The following DHX57 variants were observed in gnomAD, a reference collection of about 807,000 sequenced individuals.
DHX57 encodes the protein putative ATP-dependent RNA helicase DHX57.
Under a neutral mutation model 156.2 loss-of-function variants are expected in DHX57, and 105 were observed. That is an observed-to-expected ratio of 0.67 (90% CI 0.57 to 0.79). The LOEUF (loss-of-function observed/expected upper bound fraction) is 0.79. Among genes scored for constraint, DHX57 ranks in the 30% least tolerant of loss-of-function variants. The pLI is 0.00. For missense variants in DHX57, 1,847 were observed against 1,661.9 expected, an observed-to-expected ratio of 1.11 and a Z score of -1.94; for synonymous variants, 704 against 595.6, an observed-to-expected ratio of 1.18 and a Z score of -2.65.
chr2:38,836,775 CAAAAAAA>C (rs964200602), intron 13 of DHX57, among the ~76,000 whole-genome samples: 2 of 42,466 alleles, frequency 4.7e-5, no homozygotes, highest in East Asian at 6.3e-4. Context: ...GACCCTGTCT[CAAAAAAA>C]AAAAAAAAAA....
intron 2 of DHX57, among the ~76,000 whole-genome samples, chr2:38,864,880 G>A (rs12712625): frequency 0.56 from 85,386 of 152,018 alleles, 25,685 homozygotes; most frequent in East Asian, 0.81. Flanking sequence ...CTCTTGTCAA[G>A]GTTAACCATG....
rs55993145 is a variant in DHX57 at position 38,827,133 on chromosome 2, A to AAAAATAAAATAAAAT, written c.2640-459_2640-445dup. ...GCGACAATAGTGAGACTCCGTCTCG[A>AAAAATAAAATAAAAT]AAAATAAAATAAAATAAAATAAAAT... On this transcript the variant is annotated intron_variant, in intron 14 of 23. Coordinates refer to ENST00000457308, the MANE Select transcript of DHX57 (RefSeq NM_198963.3). Among the ~76,000 whole-genome samples, 19 of 147,434 alleles carry AAAAATAAAATAAAAT rather than the reference A, an allele frequency of 1.3e-4. 1 individual carries two copies. Among genetic ancestry groups the AAAAATAAAATAAAAT allele is most frequent in the African/African-American group, 4.0e-4 (16 of 40,236 alleles).
chr2:38,859,087 T>C (rs1673054292), intron 5 of DHX57, among the ~76,000 whole-genome samples: 2 of 152,214 alleles, frequency 1.3e-5, no homozygotes, highest in Non-Finnish European at 2.9e-5. Context: ...GTTTCAACTG[T>C]ACGCAAGTGT....
intron 2 of DHX57, among the ~76,000 whole-genome samples, chr2:38,864,892 T>C (rs891868248): frequency 9.2e-5 from 14 of 152,218 alleles, no homozygotes; most frequent in Non-Finnish European, 1.8e-4. Context: ...TTAACCATGA[T>C]ACCCACATTG....
chr2:38,826,105 C>A, intron 15 of DHX57, 58 bp from the exon 16 acceptor site: 1 of 1,533,104 alleles, frequency 6.5e-7, no homozygotes. Context: ...GCCAAGACTG[C>A]TTGCTATGGA....
chr2:38,810,841 C>T, intron 21 of DHX57: 1 of 741,432 alleles, frequency 1.3e-6, no homozygotes, highest in African/African-American at 1.7e-5. Context: ...GCAGATACCT[C>T]AGGACTTCAT....
At chr2:38,799,452 A>AG (rs1416147505) in intron 23 of DHX57, among the ~76,000 whole-genome samples, 2 of 149,916 alleles carry the variant, frequency 1.3e-5, no homozygotes, top group Non-Finnish European at 3.0e-5. Context: ...AAAAAAAAAA[A>AG]AAAAAGGGTG....
intron 6 of DHX57, among the ~76,000 whole-genome samples, 162 bp downstream of exon 6, chr2:38,858,499 G>T (rs150525135): frequency 7.2e-5 from 11 of 152,308 alleles, no homozygotes; most frequent in African/African-American, 2.6e-4. Flanking sequence ...AAACCATCTA[G>T]CATATGCACT....
rs762952317 is a variant in DHX57 at position 38,861,519 on chromosome 2, T to C, written c.891A>G (p.Val297=). Residue 297 remains valine, a synonymous_variant, in exon 5 of 24, where the codon GTA becomes GTG. Transcript: ENST00000457308. ...TACAGATTTCAAGTGAATTCTCTTGTACATTTTTGGTACTTTCTTTTGGCT... is the reference window on the plus strand; with the variant it reads ...TACAGATTTCAAGTGAATTCTCTTGCACATTTTTGGTACTTTCTTTTGGCT... ...KSKPKESTKN[V]QENSLEICKF... is the part of the protein sequence containing the mutation. 1 of 1,614,160 alleles carries C rather than the reference T, an allele frequency of 6.2e-7. No homozygotes were observed. Among genetic ancestry groups the C allele is most frequent in the South Asian group, 1.1e-5 (1 of 91,086 alleles).
At chr2:38,816,204 T>A (rs1386778550) in intron 19 of DHX57, 1 of 470,890 alleles carries the variant, frequency 2.1e-6, no homozygotes, top group South Asian at 1.5e-5. Context: ...AGGGACATCA[T>A]TAAGTGATTC....
rs181355621 is a variant in DHX57, at chr2:38,809,457, T to G, written c.3682-2764A>C. 9.9e-3 allele frequency among the ~76,000 whole-genome samples: 940 copies of G among 94,764 alleles called. 14 individuals carry two copies. The highest frequency in any genetic ancestry group is 0.027 in the African/African-American group (899 of 33,328). The allele number at this position is 94,764 out of a possible 152,430, so 62.2% of individuals were successfully genotyped here. On this transcript the variant is annotated intron_variant, in intron 21 of 23. Coordinates refer to ENST00000457308, the MANE Select transcript of DHX57 (RefSeq NM_198963.3). ...AGTAAAAAGAGGCTATTTCTTTCTG[T>G]TTTTTTTTTTTCTTTTTTTTTTTAG...
intron 19 of DHX57, chr2:38,815,948 T>G: frequency 2.4e-6 from 1 of 421,660 alleles, no homozygotes; most frequent in Non-Finnish European, 4.5e-6. Context: ...CATTGGATTT[T>G]GGGTAGGCCT....
At chr2:38,854,200 T>C (rs765066295) in intron 8 of DHX57, 22 bp from the exon 9 acceptor site, 2 of 1,604,928 alleles carry the variant, frequency 1.2e-6, no homozygotes, top group South Asian at 1.1e-5. Flanking sequence ...AAGGGCAATA[T>C]AAATCATTAA....
intron 12 of DHX57, among the ~76,000 whole-genome samples, chr2:38,840,590 C>CA (rs1553330630): frequency 1.3e-5 from 2 of 151,466 alleles, no homozygotes; most frequent in African/African-American, 2.4e-5. Context: ...AACAAACAAA[C>CA]AAAAAACAGA....
Position 38,802,930 on chromosome 2 carries a change from C to T in DHX57, c.3817-15G>A, listed in dbSNP as rs541179301. On this transcript the variant is annotated splice_polypyrimidine_tract_variant and intron_variant, in intron 22 of 23. Coordinates refer to ENST00000457308, the MANE Select transcript of DHX57 (RefSeq NM_198963.3). ...AAGTGTCTCACCTGTAACAAAAAACCTCAGATGATGACAGTGATGTCACTG... is the reference window on the plus strand; with the variant it reads ...AAGTGTCTCACCTGTAACAAAAAACTTCAGATGATGACAGTGATGTCACTG... The T allele has an allele frequency of 5.0e-6, 8 of 1,613,804 alleles. No individual in the cohort carries two copies. The highest frequency in any genetic ancestry group is 6.8e-6 in the Non-Finnish European group (8 of 1,179,958).
chr2:38,858,786 G>T lies in DHX57; in HGVS notation c.1462C>A (p.Pro488Thr). 2 of 1,613,596 alleles carry T rather than the reference G, an allele frequency of 1.2e-6. No homozygotes were observed. The highest frequency in any genetic ancestry group is 1.7e-6 in the Non-Finnish European group (2 of 1,179,930). The stretch of plus-strand genomic sequence containing the variant: ...TAGCTTTCATTCTCTACTATAACAG[G>T]TGCAGGACCGTCATCCTCATCTGAC... ...EESDEDDGPA[P>T]VIVENESYVN... Residue 488 changes from proline to threonine, a missense_variant, in exon 6 of 24, where the codon CCT (proline) becomes ACT (threonine). Physicochemically the swap from Pro to Thr is conservative, Grantham distance 38 (BLOSUM62 -1). Coordinates refer to ENST00000457308, the MANE Select transcript of DHX57 (RefSeq NM_198963.3).
chr2:38,821,987 G>T (rs906045504), intron 17 of DHX57, among the ~76,000 whole-genome samples: 1 of 152,108 alleles, frequency 6.6e-6, no homozygotes, highest in East Asian at 1.9e-4. Context: ...CTAATGAAGA[G>T]ATTGAATTAA....
chr2:38,824,389 A>G (rs1670986456), intron 16 of DHX57, among the ~76,000 whole-genome samples: 1 of 152,192 alleles, frequency 6.6e-6, no homozygotes. Flanking sequence ...CAATAGGTAT[A>G]AAGTTTCAGT....
intron 20 of DHX57, 104 bp downstream of exon 20, chr2:38,815,417 G>C: frequency 1.4e-6 from 2 of 1,462,412 alleles, no homozygotes; most frequent in Non-Finnish European, 1.9e-6. Flanking sequence ...TTAACCCACT[G>C]CTCAAAGGCT....
Sources: gnomAD v4.1 joint callset for allele counts (sites outside exome capture counted in the v4.1 genomes callset) on GRCh38, gnomAD v4.1.1 for gene constraint, MANE v1.5 for transcripts, NCBI Gene and HGNC (gene_info 2026-07-23, HGNC 2026-07-21) for gene names.